LRSAM1: variants seen among roughly 807,000 people sequenced by gnomAD.
The protein encoded by LRSAM1 is E3 ubiquitin-protein ligase LRSAM1.
Under a neutral mutation model 118.1 loss-of-function variants are expected in LRSAM1, and 96 were observed. The observed-to-expected ratio is 0.81, with a 90% CI of 0.69 to 0.96. The LOEUF is 0.96. LRSAM1 is among the 40% of genes least tolerant of loss of function. The probability of loss-of-function intolerance (pLI) is 0.00; values close to 1 mark genes in which losing one functional copy is unlikely to be tolerated. For synonymous variants in LRSAM1, 322 were observed against 364.2 expected (o/e 0.88, Z 1.32); for missense variants, 804 against 915.5 (o/e 0.88, Z 1.57).
At chr9:127,466,382 T>C (rs543396477) in intron 9 of LRSAM1, among the ~76,000 whole-genome samples, 16 of 150,736 alleles carry the variant, frequency 1.1e-4, no homozygotes, top group Admixed American at 9.3e-4. Flanking sequence ...CACTTTTAGT[T>C]TGATAGATAT....
chr9:127,451,486 A>G (rs1834319430), upstream of LRSAM1: 2 of 759,286 alleles, frequency 2.6e-6, no homozygotes, highest in South Asian at 3.5e-5. Flanking sequence ...CCGGCCTTCC[A>G]GAGACGCCCT....
intron 4 of LRSAM1, among the ~76,000 whole-genome samples, chr9:127,455,343 G>A (rs1834476412): frequency 6.6e-6 from 1 of 151,716 alleles, no homozygotes; most frequent in African/African-American, 2.4e-5. Flanking sequence ...TTCACAATGG[G>A]GACAGGGTGG....
At chr9:127,459,599 C>T (rs1564253022) in intron 7 of LRSAM1, among the ~76,000 whole-genome samples, 1 of 151,884 alleles carries the variant, frequency 6.6e-6, no homozygotes, top group Admixed American at 6.6e-5. Context: ...ACTCTTGTCA[C>T]CCAGGCTGGA....
chr9:127,500,010 G>A (rs1211938405), intron 24 of LRSAM1, among the ~76,000 whole-genome samples: 1 of 152,062 alleles, frequency 6.6e-6, no homozygotes, highest in African/African-American at 2.4e-5. Flanking sequence ...ACCGTGATCA[G>A]GAAGGGAACG....
chr9:127,457,297 C>G lies in LRSAM1; in HGVS notation c.175-19C>G, dbSNP rs758774140. The G allele has an allele frequency of 1.9e-6, 3 of 1,613,790 alleles. No homozygotes were observed. Among genetic ancestry groups the G allele is most frequent in the Non-Finnish European group, 8.5e-7 (1 of 1,179,958 alleles). ...CTGCTCTTCCTCAGCCCAGCATGGCCGCACATCTCTCCACACAGGTGCTGA... is the reference window on the plus strand; with the variant it reads ...CTGCTCTTCCTCAGCCCAGCATGGCGGCACATCTCTCCACACAGGTGCTGA... On this transcript the variant is annotated intron_variant, in intron 5 of 25. Transcript: ENST00000300417.
At chr9:127,455,657 G>A (rs769269709) in intron 5 of LRSAM1, 37 bp downstream of exon 5, 3 of 1,606,030 alleles carry the variant, frequency 1.9e-6, no homozygotes, top group Admixed American at 1.7e-5. Flanking sequence ...CTTTCTTGTT[G>A]CATGTCTGCT....
intron 22 of LRSAM1, 135 bp from the exon 23 acceptor site, chr9:127,495,829 C>A (rs1379538396): frequency 7.5e-7 from 1 of 1,325,242 alleles, no homozygotes; most frequent in Non-Finnish European, 1.0e-6. Flanking sequence ...GTGTGCCTAC[C>A]TATGAGTTTT....
At chr9:127,484,922 C>T (rs978051747) in intron 16 of LRSAM1, among the ~76,000 whole-genome samples, 1 of 151,416 alleles carries the variant, frequency 6.6e-6, no homozygotes, top group Non-Finnish European at 1.5e-5. Flanking sequence ...ATTCTCCTGC[C>T]TCAGACTCCC....
Position 127,481,185 on chromosome 9 carries a change from A to G in LRSAM1, c.1046A>G (p.Gln349Arg), listed in dbSNP as rs200595164. The change falls in exon 15 of 26, where the codon CAA becomes CGA. Residue 349 changes from glutamine (Q) to arginine (R), a missense_variant and splice_region_variant. Gln to Arg is a conservative substitution (Grantham distance 43, BLOSUM62 1). Transcript: ENST00000300417. Reference protein sequence around the residue: ...IQKLLQDNQRQKKSSEILKSL... With the variant: ...IQKLLQDNQRRKKSSEILKSL... ...ACCTTTTATGATTTTCTCCACAGAC[A>G]AAAGAAAAGCTCCGAGATTTTGAAA... is the stretch of plus-strand genomic sequence containing the variant. 1.8e-4 allele frequency: 283 copies of G among 1,614,026 alleles called. No homozygotes were observed. The highest frequency in any genetic ancestry group is 3.3e-4 in the Middle Eastern group (2 of 6,062).
chr9:127,472,752 G>A (rs1056076300), intron 10 of LRSAM1, among the ~76,000 whole-genome samples: 1 of 152,196 alleles, frequency 6.6e-6, no homozygotes, highest in Admixed American at 6.5e-5. Context: ...AAAGTCTTGG[G>A]TATTTTCCTG....
intron 8 of LRSAM1, 67 bp downstream of exon 8, chr9:127,461,324 C>G: frequency 2.1e-6 from 3 of 1,450,506 alleles, no homozygotes; most frequent in Non-Finnish European, 2.9e-6. Flanking sequence ...CCGGGATCCA[C>G]AGGCTGCCCC....
At chr9:127,496,175 G>T (rs1313545924) in intron 23 of LRSAM1, 80 bp downstream of exon 23, 8 of 1,579,116 alleles carry the variant, frequency 5.1e-6, no homozygotes. Flanking sequence ...TCTGCTCCTT[G>T]TGTAGTCCTC....
rs755916665 is a variant in LRSAM1, at chr9:127,479,433, G to A, written c.831G>A (p.Gly277=). The A allele has an allele frequency of 6.2e-7, 1 of 1,614,194 alleles. No homozygotes were observed. Among genetic ancestry groups the A allele is most frequent in the Non-Finnish European group, 8.5e-7 (1 of 1,180,022 alleles). Residue 277 remains glycine, a synonymous_variant, in exon 13 of 26, where the codon GGG becomes GGA. Transcript: ENST00000300417. Reference sequence around the variant, plus strand: ...AGTTTGAACGGCGCCTGGAACTGGGGCAGCGGGAGCACACCCAGCTCCTTC... The same window carrying A: ...AGTTTGAACGGCGCCTGGAACTGGGACAGCGGGAGCACACCCAGCTCCTTC... ...KLEFERRLEL[G]QREHTQLLQQ...
intron 19 of LRSAM1, 40 bp from the exon 20 acceptor site, chr9:127,491,175 A>T: frequency 6.5e-7 from 1 of 1,531,246 alleles, no homozygotes; most frequent in Non-Finnish European, 9.1e-7. Flanking sequence ...AACTGTGGTT[A>T]ATGTGAGTAA....
chr9:127,490,191 A>G (rs377202765), intron 19 of LRSAM1, among the ~76,000 whole-genome samples: 2 of 152,190 alleles, frequency 1.3e-5, no homozygotes, highest in Non-Finnish European at 2.9e-5. Flanking sequence ...GTACTCCTGC[A>G]TCATGTTCAG....
chr9:127,497,116 G>A (rs942115701), intron 23 of LRSAM1, 137 bp from the exon 24 acceptor site: 19 of 850,658 alleles, frequency 2.2e-5, no homozygotes, highest in Admixed American at 8.0e-5. Context: ...CGTGGGCCCC[G>A]CCAGGCCCCG....
At chr9:127,458,246 G>A (rs551225858) in intron 6 of LRSAM1, among the ~76,000 whole-genome samples, 2 of 152,098 alleles carry the variant, frequency 1.3e-5, no homozygotes, top group African/African-American at 4.8e-5. Context: ...GCCGGGCGCG[G>A]TGGCGGGCGC....
At chr9:127,496,698 T>G (rs1836159277) in intron 23 of LRSAM1, among the ~76,000 whole-genome samples, 1 of 151,876 alleles carries the variant, frequency 6.6e-6, no homozygotes, top group South Asian at 2.1e-4. Flanking sequence ...CAGAGTGAGG[T>G]CTCCACCCCA....
At chr9:127,482,704 C>T (rs571697813) in intron 15 of LRSAM1, among the ~76,000 whole-genome samples, 1 of 152,310 alleles carries the variant, frequency 6.6e-6, no homozygotes, top group African/African-American at 2.4e-5. Context: ...TCAGCATTGG[C>T]TATTTGCTTC....
Sources: gnomAD v4.1 joint callset for allele counts (sites outside exome capture counted in the v4.1 genomes callset) on GRCh38, gnomAD v4.1.1 for gene constraint, MANE v1.5 for transcripts, NCBI Gene and HGNC (gene_info 2026-07-23, HGNC 2026-07-21) for gene names.